The following RYR2 variants were observed in gnomAD, a reference collection of about 807,000 sequenced individuals.
RYR2 encodes ryanodine receptor 2, also known as cardiac muscle ryanodine receptor-calcium release channel.
Under a neutral mutation model 601.1 loss-of-function variants are expected in RYR2, and 227 were observed. The ratio of observed to expected loss-of-function variants is 0.38; its 90% confidence interval spans 0.34 to 0.42. The LOEUF (loss-of-function observed/expected upper bound fraction) is 0.42. RYR2 is among the 10% of genes least tolerant of loss of function. The pLI, the probability that RYR2 is intolerant of heterozygous loss-of-function variation, is 1.00. For synonymous variants in RYR2, 2,223 were observed against 2,175.1 expected, an observed-to-expected ratio of 1.02 and a Z score of -0.61; for missense variants, 4,646 against 6,156.5, an observed-to-expected ratio of 0.75 and a Z score of 8.21.
chr1:237,614,536 G>A lies in RYR2; in HGVS notation c.5408G>A (p.Ser1803Asn). ...QMLTEAVKEGSLHARDPVGGT... is the reference protein window; with the variant it reads ...QMLTEAVKEGNLHARDPVGGT... ...CTGACAGAAGCTGTTAAAGAGGGCAGTCTTCATGCCCGGGACCCAGTTGGA... is the reference window on the plus strand; with the variant it reads ...CTGACAGAAGCTGTTAAAGAGGGCAATCTTCATGCCCGGGACCCAGTTGGA... Residue 1803 changes from serine (S) to asparagine (N), a missense_variant, in exon 37 of 105, where the codon AGT (serine) becomes AAT (asparagine). Coordinates refer to ENST00000366574, the MANE Select transcript of RYR2 (RefSeq NM_001035.3). The surrounding 1 kb of genome is among the most constrained non-coding windows in gnomAD (Gnocchi z 4.3). The A allele has an allele frequency of 3.1e-6, 5 of 1,614,054 alleles. No homozygotes were observed. The highest frequency in any genetic ancestry group is 4.2e-6 in the Non-Finnish European group (5 of 1,179,914).
intron 27 of RYR2, among the ~76,000 whole-genome samples, chr1:237,561,284 T>G (rs1671428599): frequency 6.6e-6 from 1 of 152,172 alleles, no homozygotes; most frequent in African/African-American, 2.4e-5. Context: ...GAGATTATGT[T>G]TAGTGTTTAC....
intron 57 of RYR2, among the ~76,000 whole-genome samples, chr1:237,667,505 C>T (rs1035109182): frequency 1.3e-5 from 2 of 152,152 alleles, no homozygotes; most frequent in African/African-American, 4.8e-5. Flanking sequence ...CTTTGACTGT[C>T]CATCTAACAT....
chr1:237,270,582 G>T lies in RYR2; in HGVS notation c.134G>T (p.Arg45Ile). The change falls in exon 2 of 105, where the codon AGA becomes ATA. Residue 45 changes from arginine (R) to isoleucine (I), a missense_variant. Arg to Ile is a moderately conservative substitution (Grantham distance 97). This residue lies in a region of RYR2 where 153 missense variants were observed against 203.6 expected (regional missense o/e 0.75). Coordinates refer to ENST00000366574, the MANE Select transcript of RYR2 (RefSeq NM_001035.3). ...TTGGCAGCAGAAGGATTTGGCAACA[G>T]ACTTTGTTTCTTGGAGTCCACTTCC... ...LCLAAEGFGN[R>I]LCFLESTSNS... 1 of 1,595,390 alleles carries T rather than the reference G, an allele frequency of 6.3e-7. No individual in the cohort carries two copies. The highest frequency in any genetic ancestry group is 1.1e-5 in the South Asian group (1 of 87,460).
intron 23 of RYR2, among the ~76,000 whole-genome samples, chr1:237,509,008 C>T (rs1447072462): frequency 6.6e-6 from 1 of 152,026 alleles, no homozygotes; most frequent in Non-Finnish European, 1.5e-5. Flanking sequence ...TCCCAAAGTG[C>T]TGGGATTACA....
At chr1:237,117,625 CTCTCTTCTCTTCTT>C (rs1558263760) in intron 1 of RYR2, among the ~76,000 whole-genome samples, 1 of 150,624 alleles carries the variant, frequency 6.6e-6, no homozygotes, top group Non-Finnish European at 1.5e-5. Context: ...CTTCTCTTTT[CTCTCTTCTCTTCTT>C]TCTCTTCTCT....
intron 1 of RYR2, among the ~76,000 whole-genome samples, chr1:237,090,136 A>G (rs1439300267): frequency 1.3e-5 from 2 of 151,948 alleles, no homozygotes; most frequent in African/African-American, 4.8e-5. Context: ...CATGGGGGAA[A>G]CCGCCCCCAT....
At chr1:237,792,402 T>TGC (rs1658554330) in intron 94 of RYR2, 79 bp downstream of exon 94, 1 of 392,918 alleles carries the variant, frequency 2.5e-6, no homozygotes, top group Non-Finnish European at 4.2e-6. Flanking sequence ...TGTGTGCGTG[T>TGC]GTGTGTGTGT....
chr1:237,058,144 G>T (rs898994828), intron 1 of RYR2, among the ~76,000 whole-genome samples: 1 of 152,054 alleles, frequency 6.6e-6, no homozygotes, highest in Non-Finnish European at 1.5e-5. Flanking sequence ...AAAGAAGGTA[G>T]GGCTTATATA....
intron 1 of RYR2, among the ~76,000 whole-genome samples, chr1:237,234,660 G>C (rs971191584): frequency 1.3e-5 from 2 of 152,160 alleles, no homozygotes; most frequent in Non-Finnish European, 2.9e-5. Context: ...TGATTATTAA[G>C]CAGGTGGCAG....
At chr1:237,769,200 T>C (rs1199195536) in intron 84 of RYR2, among the ~76,000 whole-genome samples, 2 of 152,194 alleles carry the variant, frequency 1.3e-5, no homozygotes, top group African/African-American at 4.8e-5. Context: ...GCCTATGTAA[T>C]GAACTCATAA....
intron 20 of RYR2, among the ~76,000 whole-genome samples, chr1:237,497,411 T>G (rs555136599): frequency 6.6e-6 from 1 of 152,342 alleles, no homozygotes; most frequent in African/African-American, 2.4e-5. Flanking sequence ...TTTCTCTGAT[T>G]CATGAAGAAG....
intron 26 of RYR2, among the ~76,000 whole-genome samples, chr1:237,549,628 CT>C (rs57579159): frequency 0.23 from 17,552 of 77,244 alleles, 1,680 homozygotes; most frequent in South Asian, 0.27. Context: ...CCATAGCTTT[CT>C]TTTTTTTTTT....
intron 8 of RYR2, among the ~76,000 whole-genome samples, chr1:237,381,911 A>AT (rs1255894775): frequency 1.3e-5 from 2 of 152,220 alleles, no homozygotes; most frequent in African/African-American, 2.4e-5. Flanking sequence ...AAAGGAAAGA[A>AT]TTTTTTTTGC....
At chr1:237,803,836 C>G (rs1213173073) in intron 98 of RYR2, among the ~76,000 whole-genome samples, 1 of 152,102 alleles carries the variant, frequency 6.6e-6, no homozygotes, top group Non-Finnish European at 1.5e-5. Flanking sequence ...CTGTTTGTGT[C>G]CTCTGTAATT....
chr1:237,127,920 G>C (rs2148684174), intron 1 of RYR2, among the ~76,000 whole-genome samples: 1 of 150,854 alleles, frequency 6.6e-6, no homozygotes, highest in South Asian at 2.1e-4. Context: ...CAGGCAGAGG[G>C]GCTCCTCACA....
chr1:237,775,075 C>CAAAAAAAAAAAA (rs5781992), intron 87 of RYR2, among the ~76,000 whole-genome samples: 4 of 90,430 alleles, frequency 4.4e-5, no homozygotes, highest in Non-Finnish European at 6.9e-5. Flanking sequence ...CAATAAGAAC[C>CAAAAAAAAAAAA]AAAAAAAAAA....
At chr1:237,791,600 A>C (rs187525193) in intron 93 of RYR2, 85 bp downstream of exon 93, 101 of 738,156 alleles carry the variant, frequency 1.4e-4, no homozygotes, top group South Asian at 1.2e-3. Flanking sequence ...CGTATCTACT[A>C]CTGCTAGTGA....
intron 84 of RYR2, among the ~76,000 whole-genome samples, chr1:237,763,231 C>T (rs1693571529): frequency 1.3e-5 from 2 of 152,184 alleles, no homozygotes; most frequent in Non-Finnish European, 2.9e-5. Flanking sequence ...GTGGGCCCAG[C>T]GTCTGCAACT....
At chr1:237,083,011 T>C (rs1488456668) in intron 1 of RYR2, among the ~76,000 whole-genome samples, 1 of 152,194 alleles carries the variant, frequency 6.6e-6, no homozygotes, top group African/African-American at 2.4e-5. Context: ...TTTATAAATG[T>C]TTATAGTGAC....
Sources: allele counts gnomAD v4.1 joint callset (sites outside exome capture counted in the v4.1 genomes callset), GRCh38; gene constraint gnomAD v4.1.1; regional missense constraint gnomAD v4.1.1; non-coding constraint Gnocchi (gnomAD v3.1); transcripts MANE v1.5; gene names NCBI Gene and HGNC (gene_info 2026-07-23, HGNC 2026-07-21).